Variants in SPATS2L observed in about 807,000 individuals in gnomAD.
The protein encoded by SPATS2L is spermatogenesis associated serine rich 2 like, also known as SPATS2-like protein.
Under a neutral mutation model 59.6 loss-of-function variants are expected in SPATS2L, and 30 were observed. The ratio of observed to expected loss-of-function variants is 0.50; its 90% CI spans 0.38 to 0.68. The LOEUF is 0.68. Ranked by LOEUF, SPATS2L falls within the 30% of genes least tolerant of loss-of-function variation. The pLI, the probability that SPATS2L is intolerant of heterozygous loss-of-function variation, is 0.00. For synonymous variants in SPATS2L, 252 were observed against 263.5 expected, an observed-to-expected ratio of 0.96 and a Z score of 0.42; for missense variants, 615 against 700.0, an observed-to-expected ratio of 0.88 and a Z score of 1.37.
At chr2:200,421,960 A>C (rs1368606852) in intron 6 of SPATS2L, among the ~76,000 whole-genome samples, 3 of 152,254 alleles carry the variant, frequency 2.0e-5, no homozygotes, top group East Asian at 1.9e-4. Context: ...AAACAATGTC[A>C]GTAACTCTGT....
intron 3 of SPATS2L, among the ~76,000 whole-genome samples, chr2:200,405,380 C>CG (rs1491516528): frequency 1.0e-5 from 1 of 99,752 alleles, no homozygotes; most frequent in African/African-American, 4.0e-5. Context: ...TGGTTTCCTG[C>CG]CAAAAAAAAA....
At chr2:200,456,896 C>T (rs79140123) in intron 8 of SPATS2L, among the ~76,000 whole-genome samples, 3 of 152,096 alleles carry the variant, frequency 2.0e-5, no homozygotes, top group South Asian at 4.1e-4. Context: ...TTCTTGCCAT[C>T]GTCATTTTCT....
At chr2:200,456,079 C>CT (rs1305378962) in intron 8 of SPATS2L, among the ~76,000 whole-genome samples, 1 of 152,206 alleles carries the variant, frequency 6.6e-6, no homozygotes, top group Non-Finnish European at 1.5e-5. Flanking sequence ...TTATTCTTCC[C>CT]TTGACAAGCC....
At chr2:200,427,774 T>C (rs144609762) in intron 6 of SPATS2L, among the ~76,000 whole-genome samples, 7 of 152,318 alleles carry the variant, frequency 4.6e-5, no homozygotes, top group South Asian at 2.1e-4. Context: ...TCCAAAGTTA[T>C]TGTTTCCCCA....
chr2:200,363,016 G>A lies in SPATS2L; in HGVS notation c.-22-26207G>A, dbSNP rs1394054490. On this transcript the variant is annotated intron_variant, in intron 2 of 12. Transcript: ENST00000409140. ...ATAGGTTCAGTATAAAACCAAGATC[G>A]CATGCATGATCACTGTGATTTTAGG... is the stretch of plus-strand genomic sequence containing the variant. 3.9e-5 allele frequency among the ~76,000 whole-genome samples: 6 copies of A among 152,026 alleles called. No individual in the cohort carries two copies. In the East Asian group the frequency reaches 9.6e-4, roughly 24 times the overall value.
chr2:200,454,739 CAT>C (rs2085715727), intron 8 of SPATS2L, among the ~76,000 whole-genome samples: 1 of 152,270 alleles, frequency 6.6e-6, no homozygotes, highest in East Asian at 1.9e-4. Flanking sequence ...ACATCTGAAA[CAT>C]GTGAGGTCCG....
chr2:200,433,325 T>C (rs1373910983), intron 6 of SPATS2L, among the ~76,000 whole-genome samples: 2 of 152,010 alleles, frequency 1.3e-5, no homozygotes, highest in African/African-American at 4.8e-5. Flanking sequence ...ATCAACCAAC[T>C]TGAGCCAATT....
chr2:200,333,682 G>T (rs1345825734), intron 2 of SPATS2L, among the ~76,000 whole-genome samples: 1 of 151,820 alleles, frequency 6.6e-6, no homozygotes, highest in Non-Finnish European at 1.5e-5. Flanking sequence ...GCCCCAGTGT[G>T]TGATGTTCCC....
At chr2:200,426,286 T>G (rs139012883) in intron 6 of SPATS2L, among the ~76,000 whole-genome samples, 6,537 of 152,056 alleles carry the variant, frequency 0.043, 198 homozygotes, top group African/African-American at 0.082. Flanking sequence ...GAGATGGGGT[T>G]TCACTGTGTT....
At chr2:200,324,290 G>A (rs1469383242) in intron 1 of SPATS2L, among the ~76,000 whole-genome samples, 3 of 152,304 alleles carry the variant, frequency 2.0e-5, no homozygotes, top group Non-Finnish European at 4.4e-5. Flanking sequence ...CCTGAGGGAT[G>A]TAAGTGTGTG....
intron 2 of SPATS2L, among the ~76,000 whole-genome samples, chr2:200,373,720 C>A (rs2081507806): frequency 6.6e-6 from 1 of 152,014 alleles, no homozygotes; most frequent in Admixed American, 6.6e-5. Flanking sequence ...TGTAACTCGC[C>A]TATATAATTT....
At chr2:200,328,474 C>A (rs955717606) in intron 1 of SPATS2L, among the ~76,000 whole-genome samples, 1 of 152,130 alleles carries the variant, frequency 6.6e-6, no homozygotes, top group East Asian at 1.9e-4. Context: ...TTAGGTCAAT[C>A]CTCTTATTTA....
chr2:200,372,811 A>T (rs1029189220), intron 2 of SPATS2L, among the ~76,000 whole-genome samples: 2 of 152,162 alleles, frequency 1.3e-5, no homozygotes, highest in Non-Finnish European at 2.9e-5. Flanking sequence ...CTCATCTCTA[A>T]AATGGAGATA....
intron 1 of SPATS2L, among the ~76,000 whole-genome samples, chr2:200,326,494 A>G (rs1485344162): frequency 6.6e-6 from 1 of 152,174 alleles, no homozygotes; most frequent in East Asian, 1.9e-4. Context: ...ATTTATCCAA[A>G]TGAGCATTTT....
Position 200,479,692 on chromosome 2 carries a change from G to C in SPATS2L, c.*1661G>C. The C allele has an allele frequency of 2.5e-6, 1 of 398,658 alleles. No homozygotes were observed. The highest frequency in any genetic ancestry group is 4.4e-6 in the Non-Finnish European group (1 of 226,088). 24.7% of individuals were successfully genotyped at this position (398,658 alleles called of 1,614,324 possible). ...CTACATATCTGTTGACTACTCACAA[G>C]TGCAAATGCTTATTCTCAACTCAAC... is the stretch of plus-strand genomic sequence containing the variant. On this transcript the variant is annotated 3_prime_UTR_variant, in exon 13 of 13. Coordinates refer to ENST00000409140, the MANE Select transcript of SPATS2L (RefSeq NM_001100423.2).
rs188391171 is a variant in SPATS2L, at chr2:200,413,430, C to A, written c.148+1011C>A. Among the ~76,000 whole-genome samples, 7 of 152,294 alleles carry A rather than the reference C, an allele frequency of 4.6e-5. No individual in the cohort carries two copies. The East Asian group carries it at 1.4e-3, about 29-fold the overall frequency. On this transcript the variant is annotated intron_variant, in intron 4 of 12. Coordinates refer to ENST00000409140, the MANE Select transcript of SPATS2L (RefSeq NM_001100423.2). ...TTTACAACGTAATGCTTTGGATTTC[C>A]TGTAAATTTTGGGAAATTATCCTCT...
chr2:200,352,606 C>T (rs2080779841), intron 2 of SPATS2L, among the ~76,000 whole-genome samples: 2 of 151,998 alleles, frequency 1.3e-5, no homozygotes, highest in African/African-American at 4.8e-5. Flanking sequence ...CTCTTTTCCT[C>T]CTGCTCCCTT....
chr2:200,387,982 C>T (rs1007727791), intron 2 of SPATS2L, among the ~76,000 whole-genome samples: 1 of 151,872 alleles, frequency 6.6e-6, no homozygotes, highest in African/African-American at 2.4e-5. Flanking sequence ...TCAGAGGGGG[C>T]CACTTTACAA....
chr2:200,318,609 T>G (rs1376660567), intron 1 of SPATS2L, among the ~76,000 whole-genome samples: 1 of 152,202 alleles, frequency 6.6e-6, no homozygotes, highest in Non-Finnish European at 1.5e-5. Context: ...TGAAAACTTT[T>G]GTGGAATTTC....
Sources: gnomAD v4.1 joint callset for allele counts (sites outside exome capture counted in the v4.1 genomes callset) on GRCh38, gnomAD v4.1.1 for gene constraint, MANE v1.5 for transcripts, NCBI Gene and HGNC (gene_info 2026-07-23, HGNC 2026-07-21) for gene names.